The following LMCD1 variants were observed in gnomAD, a reference collection of about 807,000 sequenced individuals.
LMCD1 encodes the protein LIM and cysteine-rich domains protein 1.
A neutral mutation model predicts 42.7 loss-of-function variants in LMCD1; 32 were observed. That is an observed-to-expected ratio of 0.75 (90% confidence interval 0.57 to 1.01). The LOEUF (loss-of-function observed/expected upper bound fraction) is 1.01, where lower values mean the gene tolerates loss of function less well. Ranked by LOEUF, LMCD1 falls within the 50% of genes least tolerant of loss-of-function variation. The pLI, the probability that LMCD1 is intolerant of heterozygous loss-of-function variation, is 0.00. For synonymous variants in LMCD1, 178 were observed against 184.9 expected, an observed-to-expected ratio of 0.96 and a Z score of 0.30; for missense variants, 458 against 483.1, an observed-to-expected ratio of 0.95 and a Z score of 0.49.
Position 8,572,848 on chromosome 3 carries a change from C to T in LMCD1, c.*5250C>T, listed in dbSNP as rs1273932200. On this transcript the variant is annotated 3_prime_UTR_variant, in exon 6 of 6. Transcript: ENST00000157600. ...ATACCCATCTTGTATTTTTCCTGCCCCATCTTTGAAATCAGCCATTCTCAA... is the reference window on the plus strand; with the variant it reads ...ATACCCATCTTGTATTTTTCCTGCCTCATCTTTGAAATCAGCCATTCTCAA... 4.6e-5 allele frequency: 7 copies of T among 152,146 alleles called. No individual in the cohort carries two copies. Among genetic ancestry groups the T allele is most frequent in the Non-Finnish European group, 1.5e-5 (1 of 68,042 alleles). 9.4% of individuals were successfully genotyped at this position (152,146 alleles called of 1,614,324 possible). A position where few individuals can be genotyped will look rare whatever the true frequency, so the allele number is the denominator to read the frequency against.
Position 8,514,095 on chromosome 3 carries a change from TGATA to T in LMCD1, c.42+12124_42+12127del, listed in dbSNP as rs575336101. Among the ~76,000 whole-genome samples, 205 of 151,970 alleles carry T rather than the reference TGATA, an allele frequency of 1.3e-3. 1 individual carries two copies. Among genetic ancestry groups the T allele is most frequent in the Admixed American group, 3.3e-3 (51 of 15,236 alleles). ...ATATTTGTGTATATAGATAGATGAT[TGATA>T]GATAGATACATACATACATACATAC... On this transcript the variant is annotated intron_variant, in intron 1 of 5. Coordinates refer to ENST00000157600, the MANE Select transcript of LMCD1 (RefSeq NM_014583.4).
intron 1 of LMCD1, among the ~76,000 whole-genome samples, chr3:8,502,322 TA>T (rs60852130): frequency 0.19 from 1,630 of 8,516 alleles, 137 homozygotes; most frequent in African/African-American, 0.34. Context: ...AAATATATAT[TA>T]TATATAATAT....
rs915663286 is a variant in LMCD1, at chr3:8,572,046, C to T, written c.*4448C>T. On this transcript the variant is annotated 3_prime_UTR_variant, in exon 6 of 6. Transcript: ENST00000157600. ...TAATGTCTTTTATAACAAAAACATT[C>T]AGTCTAAGATCACTCATTCTATTTA... The T allele has an allele frequency of 9.2e-5, 14 of 152,220 alleles. No individual in the cohort carries two copies. Among genetic ancestry groups the T allele is most frequent in the Non-Finnish European group, 1.9e-4 (13 of 68,034 alleles). The allele number at this position is 152,220 out of a possible 1,614,324, so 9.4% of individuals were successfully genotyped here. A position where few individuals can be genotyped will look rare whatever the true frequency, so the allele number is the denominator to read the frequency against.
intron 1 of LMCD1, among the ~76,000 whole-genome samples, chr3:8,529,287 CCAGGAAACTAG>C (rs1235905640): frequency 4.6e-5 from 7 of 152,186 alleles, no homozygotes; most frequent in African/African-American, 1.7e-4. Flanking sequence ...AAACAGTCAG[CCAGGAAACTAG>C]CTGCAAGTGT....
Position 8,501,987 on chromosome 3 carries a change from G to A in LMCD1, c.42+7G>A, listed in dbSNP as rs769544519. 1.9e-6 allele frequency: 3 copies of A among 1,586,510 alleles called. No homozygotes were observed. Among genetic ancestry groups the A allele is most frequent in the African/African-American group, 1.4e-5 (1 of 72,100 alleles). ...CAACCCAGGAGTTAAAAAGGTGAGT[G>A]GAAAGCTGTTTGTATTTACCCAGAT... On this transcript the variant is annotated splice_region_variant and intron_variant, in intron 1 of 5. Transcript: ENST00000157600.
In LMCD1 at chr3:8,501,828, G is replaced by A. The variant is rs1433422798; in HGVS notation, c.-111G>A. ...GCCCAGCTGCGCCTGGCTGCGCACA[G>A]AGCTCCCTCCCAGGCCCGCGAACTT... On this transcript the variant is annotated 5_prime_UTR_variant, in exon 1 of 6. Transcript: ENST00000157600. The A allele has an allele frequency of 2.2e-6, 2 of 903,788 alleles. No individual in the cohort carries two copies. The highest frequency in any genetic ancestry group is 3.4e-6 in the Non-Finnish European group (2 of 589,142). The allele number at this position is 903,788 out of a possible 1,614,324, so 56.0% of individuals were successfully genotyped here. A position where few individuals can be genotyped will look rare whatever the true frequency, so the allele number is the denominator to read the frequency against.
chr3:8,528,174 A>G (rs1317880352), intron 1 of LMCD1, among the ~76,000 whole-genome samples: 1 of 152,068 alleles, frequency 6.6e-6, no homozygotes, highest in Non-Finnish European at 1.5e-5. Context: ...AGGATGTGCC[A>G]CTCACCTTTC....
At chr3:8,510,952 A>G (rs1202201514) in intron 1 of LMCD1, among the ~76,000 whole-genome samples, 1 of 152,234 alleles carries the variant, frequency 6.6e-6, no homozygotes, top group Non-Finnish European at 1.5e-5. Flanking sequence ...ACACAAATAT[A>G]CACATCTATG....
chr3:8,505,642 T>C (rs896681311), intron 1 of LMCD1, among the ~76,000 whole-genome samples: 1 of 152,256 alleles, frequency 6.6e-6, no homozygotes, highest in Non-Finnish European at 1.5e-5. Context: ...AGGGATCCAA[T>C]TAGAAATTCT....
intron 2 of LMCD1, among the ~76,000 whole-genome samples, chr3:8,536,298 G>A (rs532175055): frequency 1.3e-5 from 2 of 152,322 alleles, no homozygotes; most frequent in Admixed American, 6.5e-5. Flanking sequence ...AAAGGGAGGG[G>A]AGCGATTTTC....
At chr3:8,543,073 C>A (rs1694658973) in intron 3 of LMCD1, among the ~76,000 whole-genome samples, 1 of 152,206 alleles carries the variant, frequency 6.6e-6, no homozygotes, top group Non-Finnish European at 1.5e-5. Context: ...CTGATCCCCA[C>A]TCTGGCAGAG....
chr3:8,572,881 C>T lies in LMCD1; in HGVS notation c.*5283C>T, dbSNP rs146788344. 5 of 152,108 alleles carry T rather than the reference C, an allele frequency of 3.3e-5. No individual in the cohort carries two copies. Among genetic ancestry groups the T allele is most frequent in the Non-Finnish European group, 5.9e-5 (4 of 68,024 alleles). The allele number at this position is 152,108 out of a possible 1,614,324, so 9.4% of individuals were successfully genotyped here. On this transcript the variant is annotated 3_prime_UTR_variant, in exon 6 of 6. Transcript: ENST00000157600. ...GAAATCAGCCATTCTCAAGGGGTTC[C>T]TTCTTAATCTGGCTGTTGTTGTGTT...
intron 4 of LMCD1, among the ~76,000 whole-genome samples, chr3:8,559,059 G>A (rs73810497): frequency 0.065 from 9,910 of 151,812 alleles, 554 homozygotes; most frequent in African/African-American, 0.15. Context: ...GGGAGGAGCA[G>A]GCCCTCCAAG....
chr3:8,555,551 T>C (rs1694919969), intron 4 of LMCD1, among the ~76,000 whole-genome samples: 2 of 152,158 alleles, frequency 1.3e-5, no homozygotes, highest in Admixed American at 6.5e-5. Flanking sequence ...AAAATCACTA[T>C]GGTTACCAGC....
At chr3:8,565,323 C>T (rs1695108112) in intron 4 of LMCD1, 109 bp from the exon 5 acceptor site, 1 of 924,104 alleles carries the variant, frequency 1.1e-6, no homozygotes, top group East Asian at 2.4e-5. Flanking sequence ...GGTATAGTGA[C>T]TTGCCCAAGG....
chr3:8,564,249 T>G (rs2125040693), intron 4 of LMCD1, among the ~76,000 whole-genome samples: 1 of 152,240 alleles, frequency 6.6e-6, no homozygotes, highest in Non-Finnish European at 1.5e-5. Context: ...TCTGTAACTC[T>G]AGAACTACTC....
chr3:8,557,398 A>G (rs1174522033), intron 4 of LMCD1, among the ~76,000 whole-genome samples: 2 of 152,196 alleles, frequency 1.3e-5, no homozygotes, highest in Non-Finnish European at 2.9e-5. Flanking sequence ...TTGTGTTAAT[A>G]TTTACTGTAT....
chr3:8,528,451 C>T (rs1694342513), intron 1 of LMCD1, among the ~76,000 whole-genome samples: 1 of 152,142 alleles, frequency 6.6e-6, no homozygotes, highest in South Asian at 2.1e-4. Flanking sequence ...CTGCCTCAGC[C>T]TCCCAGAGTG....
rs145359457 is a variant in LMCD1 at position 8,550,761 on chromosome 3, C to T, written c.723+1858C>T. The T allele has an allele frequency of 1.4e-5, 14 of 985,040 alleles. No homozygotes were observed. In the African/African-American group the frequency reaches 1.6e-4, roughly 11 times the overall value. 61.0% of individuals were successfully genotyped at this position (985,040 alleles called of 1,614,324 possible). A position where few individuals can be genotyped will look rare whatever the true frequency, so the allele number is the denominator to read the frequency against. Reference sequence around the variant, plus strand: ...CCCCACCCTGATCCTGGCTTCTGTCCACCCTCAAATAGCTGTTTGTTCATA... The same window carrying T: ...CCCCACCCTGATCCTGGCTTCTGTCTACCCTCAAATAGCTGTTTGTTCATA... On this transcript the variant is annotated intron_variant, in intron 4 of 5. Coordinates refer to ENST00000157600, the MANE Select transcript of LMCD1 (RefSeq NM_014583.4).
Sources: allele counts gnomAD v4.1 joint callset (sites outside exome capture counted in the v4.1 genomes callset), GRCh38; gene constraint gnomAD v4.1.1; transcripts MANE v1.5; gene names NCBI Gene and HGNC (gene_info 2026-07-23, HGNC 2026-07-21).